The following CNKSR2 variants were observed in gnomAD, a reference collection of about 807,000 sequenced individuals.
CNKSR2 encodes connector enhancer of kinase suppressor of Ras 2, also known as CNK homolog protein 2.
In CNKSR2, 14 loss-of-function variants were observed where a neutral mutation model predicts 84.4. The ratio of observed to expected loss-of-function variants is 0.17; its 90% CI spans 0.11 to 0.26. The LOEUF is 0.26. Among genes scored for constraint, CNKSR2 ranks in the 10% least tolerant of loss-of-function variants. The pLI, the probability that CNKSR2 is intolerant of heterozygous loss-of-function variation, is 1.00. For synonymous variants in CNKSR2, 275 were observed against 277.9 expected, an observed-to-expected ratio of 0.99 and a Z score of 0.10; for missense variants, 485 against 771.2, an observed-to-expected ratio of 0.63 and a Z score of 4.40.
intron 20 of CNKSR2, among the ~76,000 whole-genome samples, chrX:21,627,212 G>A (rs1188819246): frequency 9.0e-6 from 1 of 111,130 alleles, no homozygotes; most frequent in Admixed American, 9.5e-5. Context: ...CATACATAAG[G>A]CCGGGCGCGG....
At position 21,532,012 on chromosome X, in the gene CNKSR2, A is replaced by G; in HGVS notation, c.1248A>G (p.Glu416=). 8.3e-7 allele frequency: 1 copy of G among 1,205,483 alleles called. No individual in the cohort carries two copies. The highest frequency in any genetic ancestry group is 1.1e-6 in the Non-Finnish European group (1 of 890,618). The part of the protein sequence containing the change: ...VEEDTVLYCY[E]YEKGRSSSQG... ...AAGATACTGTCTTATATTGCTATGAATATGAAAAAGGAAGATCAAGTAGTC... is the reference window on the plus strand; with the variant it reads ...AAGATACTGTCTTATATTGCTATGAGTATGAAAAAGGAAGATCAAGTAGTC... The change falls in exon 11 of 22, where the codon GAA becomes GAG. Residue 416 remains glutamate (E), a synonymous_variant. Transcript: ENST00000379510.
intron 9 of CNKSR2, among the ~76,000 whole-genome samples, chrX:21,520,990 G>C (rs1199606200): frequency 9.1e-6 from 1 of 110,163 alleles, no homozygotes; most frequent in African/African-American, 3.3e-5. Flanking sequence ...AAAGAAAAGA[G>C]TCATAGTAGT....
intron 2 of CNKSR2, among the ~76,000 whole-genome samples, chrX:21,431,749 T>C: frequency 8.9e-6 from 1 of 112,077 alleles, no homozygotes; most frequent in Non-Finnish European, 1.9e-5. Flanking sequence ...GATCCTACAA[T>C]CTTTTTCTAT....
chrX:21,427,343 C>T (rs1395460933), intron 2 of CNKSR2: 1 of 112,130 alleles, frequency 8.9e-6, no homozygotes, highest in Non-Finnish European at 1.9e-5. Flanking sequence ...AAACTTCCTT[C>T]TTACCCCTTC....
chrX:21,556,986 G>A (rs1426807297), intron 11 of CNKSR2, among the ~76,000 whole-genome samples: 2 of 109,520 alleles, frequency 1.8e-5, no homozygotes, highest in African/African-American at 6.6e-5. Flanking sequence ...TGAGTAGGTC[G>A]GAGGGAATAG....
intron 20 of CNKSR2, among the ~76,000 whole-genome samples, chrX:21,639,519 A>G (rs1450856867): frequency 4.5e-5 from 5 of 112,043 alleles, no homozygotes. Context: ...AATTTATTTA[A>G]AATTTACCAA....
intron 1 of CNKSR2, among the ~76,000 whole-genome samples, chrX:21,409,286 C>A (rs2090311369): frequency 1.3e-5 from 1 of 77,139 alleles, no homozygotes; most frequent in African/African-American, 4.8e-5. Context: ...ATATGTCTGT[C>A]AGACTGTTTC....
chrX:21,648,794 CTTT>C (rs33962399), intron 20 of CNKSR2, 34 bp from the exon 21 acceptor site: 1,692 of 312,144 alleles, frequency 5.4e-3, no homozygotes, highest in East Asian at 7.2e-3. Context: ...CTCTCTCTTT[CTTT>C]TTTTTTTTTT....
At chrX:21,620,940 G>A (rs1456282088) in intron 20 of CNKSR2, among the ~76,000 whole-genome samples, 1 of 111,686 alleles carries the variant, frequency 9.0e-6, no homozygotes, top group African/African-American at 3.2e-5. Context: ...AAGTTAGCTG[G>A]AAAGTTCAAC....
Position 21,526,918 on chromosome X carries a change from A to G in CNKSR2, c.1009A>G (p.Ile337Val). 8.3e-7 allele frequency: 1 copy of G among 1,203,780 alleles called. No individual in the cohort carries two copies. The highest frequency in any genetic ancestry group is 1.1e-6 in the Non-Finnish European group (1 of 889,124). ...TSSVATPSST[I>V]STPTKRDSSA... is the part of the protein sequence containing the mutation. The stretch of plus-strand genomic sequence containing the variant: ...CAGCGTTGCCACGCCTTCCAGCACC[A>G]TCAGTACACCCACCAAAAGAGACAG... Residue 337 changes from isoleucine (I) to valine (V), a missense_variant, in exon 10 of 22, where the codon ATC becomes GTC. Around this residue, in one of 5 missense-constraint regions of CNKSR2, gnomAD observed 132 missense variants for 166.7 expected, o/e 0.79. Transcript: ENST00000379510.
intron 5 of CNKSR2, among the ~76,000 whole-genome samples, chrX:21,473,277 T>C (rs1420257233): frequency 8.9e-6 from 1 of 112,150 alleles, no homozygotes; most frequent in Non-Finnish European, 1.9e-5. Context: ...GTTATTCTTC[T>C]ACTTCCCATC....
chrX:21,477,274 C>T (rs914765974), intron 5 of CNKSR2, among the ~76,000 whole-genome samples: 2 of 111,823 alleles, frequency 1.8e-5, no homozygotes, highest in Non-Finnish European at 3.8e-5. Flanking sequence ...TAGCATTTTA[C>T]CCCATTGCTT....
chrX:21,432,858 C>T, intron 3 of CNKSR2, 44 bp downstream of exon 3: 1 of 1,151,459 alleles, frequency 8.7e-7, no homozygotes, highest in Non-Finnish European at 1.2e-6. Flanking sequence ...TCCTCAGACA[C>T]CAGTTTGAAT....
intron 8 of CNKSR2, among the ~76,000 whole-genome samples, chrX:21,507,627 A>C (rs1046922682): frequency 2.7e-5 from 3 of 111,655 alleles, no homozygotes; most frequent in Non-Finnish European, 5.7e-5. Flanking sequence ...GTATTTGCTA[A>C]ATTTTCAAAT....
At chrX:21,472,079 T>C (rs1341441684) in intron 5 of CNKSR2, among the ~76,000 whole-genome samples, 13 of 111,834 alleles carry the variant, frequency 1.2e-4, no homozygotes, top group Non-Finnish European at 5.6e-5. Flanking sequence ...TGGCAGTTGC[T>C]ACCAATTCTA....
chrX:21,596,774 A>G (rs2092453061), intron 17 of CNKSR2, among the ~76,000 whole-genome samples: 1 of 111,039 alleles, frequency 9.0e-6, no homozygotes, highest in Non-Finnish European at 1.9e-5. Flanking sequence ...AGCCTTTCGT[A>G]TAGTTTCCAT....
intron 20 of CNKSR2, among the ~76,000 whole-genome samples, chrX:21,614,032 T>TCTAA (rs2092564804): frequency 1.8e-5 from 2 of 110,405 alleles, no homozygotes; most frequent in South Asian, 7.6e-4. Context: ...AAGTAAAAAA[T>TCTAA]CTAACATTCT....
chrX:21,517,858 A>G (rs1006360729), intron 9 of CNKSR2, among the ~76,000 whole-genome samples: 5 of 111,682 alleles, frequency 4.5e-5, no homozygotes, highest in African/African-American at 1.6e-4. Context: ...TTTATTATTC[A>G]TAGATTTTTT....
intron 1 of CNKSR2, among the ~76,000 whole-genome samples, chrX:21,386,067 G>C: frequency 1.1e-5 from 1 of 87,930 alleles, no homozygotes; most frequent in East Asian, 3.7e-4. Flanking sequence ...CTACTGCCAA[G>C]AACCCAGTGC....
Sources: allele counts gnomAD v4.1 joint callset (sites outside exome capture counted in the v4.1 genomes callset), GRCh38; gene constraint gnomAD v4.1.1; regional missense constraint gnomAD v4.1.1; transcripts MANE v1.5; gene names NCBI Gene and HGNC (gene_info 2026-07-23, HGNC 2026-07-21).